Variants in SRGAP2B observed in about 807,000 individuals in gnomAD.
SRGAP2B encodes SLIT-ROBO Rho GTPase activating protein 2B.
SRGAP2B carries 9 observed loss-of-function variants against 22.2 expected under a neutral mutation model. The ratio of observed to expected loss-of-function variants is 0.41; its 90% CI spans 0.24 to 0.71. The LOEUF (loss-of-function observed/expected upper bound fraction) is 0.71. Among genes scored for constraint, SRGAP2B ranks in the 30% least tolerant of loss-of-function variants. SRGAP2B has a pLI of 0.35. For synonymous variants in SRGAP2B, 36 were observed against 87.4 expected (o/e 0.41, Z 3.28); for missense variants, 114 against 235.8 (o/e 0.48, Z 3.38).
intron 3 of SRGAP2B, among the ~76,000 whole-genome samples, chr1:144,966,036 C>T (rs1252086534): frequency 6.9e-5 from 10 of 144,048 alleles, no homozygotes; most frequent in Non-Finnish European, 4.6e-5. Context: ...GAAAGTGAGG[C>T]GGAGAATGGA....
intron 3 of SRGAP2B, 132 bp downstream of exon 3, chr1:144,994,876 C>G: frequency 1.7e-6 from 1 of 589,942 alleles, no homozygotes; most frequent in Non-Finnish European, 2.8e-6. Context: ...ATGAGAAGTC[C>G]TTGAGGGCTT....
At chr1:145,090,127 T>C (rs1239292404) in intron 2 of SRGAP2B, among the ~76,000 whole-genome samples, 1 of 147,108 alleles carries the variant, frequency 6.8e-6, no homozygotes, top group Non-Finnish European at 1.5e-5. Context: ...GGCAGCACCA[T>C]GAGTCCCATA....
chr1:145,020,528 C>T (rs1449015732), intron 2 of SRGAP2B, among the ~76,000 whole-genome samples: 2 of 145,034 alleles, frequency 1.4e-5, no homozygotes, highest in Non-Finnish European at 3.0e-5. Context: ...ATGCTCCTTA[C>T]TGTACTTATT....
intron 3 of SRGAP2B, among the ~76,000 whole-genome samples, chr1:144,961,893 AAAG>A (rs1297740019): frequency 8.3e-5 from 11 of 133,074 alleles, no homozygotes; most frequent in African/African-American, 2.7e-4. Context: ...GAAGGTGTTA[AAAG>A]AAGGAGGGGG....
chr1:144,924,724 T>G (rs1226817941), intron 4 of SRGAP2B, among the ~76,000 whole-genome samples: 1 of 112,718 alleles, frequency 8.9e-6, no homozygotes, highest in Admixed American at 9.7e-5. Context: ...AGAGCGAAAC[T>G]CCGTCTCAAA....
rs1374853161 is a variant in SRGAP2B, at chr1:145,009,038, G to A, written c.68-13838C>T. ...AAAAATACAAAAAAAGTAGCTGGGC[G>A]TGGTGGCGGGCGCCTGTAGTCCCAG... On this transcript the variant is annotated intron_variant, in intron 2 of 9. Coordinates refer to ENST00000612199, the Ensembl canonical transcript of SRGAP2B. Among the ~76,000 whole-genome samples the A allele has an allele frequency of 1.0e-4, 15 of 147,832 alleles. 1 individual carries two copies. Among genetic ancestry groups the A allele is most frequent in the South Asian group, 6.3e-4 (3 of 4,730 alleles).
chr1:145,023,096 G>A (rs1386204871), intron 2 of SRGAP2B, among the ~76,000 whole-genome samples: 1 of 148,998 alleles, frequency 6.7e-6, no homozygotes, highest in Admixed American at 6.7e-5. Flanking sequence ...ACCCGGGAGA[G>A]GCGGAGGTTG....
chr1:144,994,980 C>G, intron 3 of SRGAP2B, 28 bp downstream of exon 3: 1 of 1,435,924 alleles, frequency 7.0e-7, no homozygotes, highest in East Asian at 2.5e-5. Context: ...TCCAAGGTCT[C>G]AGAGAGTAAT....
At chr1:144,931,371 A>T (rs1407465434) in intron 4 of SRGAP2B, among the ~76,000 whole-genome samples, 1 of 150,214 alleles carries the variant, frequency 6.7e-6, no homozygotes, top group East Asian at 1.9e-4. Flanking sequence ...TATTCTCCTA[A>T]TCTTATACAA....
intron 4 of SRGAP2B, among the ~76,000 whole-genome samples, chr1:144,943,092 C>G (rs1487072638): frequency 7.7e-6 from 1 of 130,172 alleles, no homozygotes; most frequent in Non-Finnish European, 1.6e-5. Context: ...TTCCAATTTA[C>G]AGGAAATATG....
At chr1:144,958,166 C>T (rs1553610695) in intron 3 of SRGAP2B, among the ~76,000 whole-genome samples, 2 of 151,284 alleles carry the variant, frequency 1.3e-5, no homozygotes, top group African/African-American at 4.9e-5. Flanking sequence ...GGCCAGCTAG[C>T]TCAGAAAGGT....
At chr1:144,969,862 A>C (rs1487791094) in intron 3 of SRGAP2B, among the ~76,000 whole-genome samples, 2 of 150,912 alleles carry the variant, frequency 1.3e-5, no homozygotes, top group African/African-American at 4.9e-5. Context: ...TCTCAAAAGA[A>C]GACATTTATG....
rs1651816346 is a variant in SRGAP2B, at chr1:145,068,916, TGTG to T, written c.67+23916_67+23918del. 7.6e-5 allele frequency among the ~76,000 whole-genome samples: 11 copies of T among 144,156 alleles called. 2 individuals are homozygous for T. The South Asian group carries it at 2.4e-3, about 32-fold the overall frequency. 94.6% of individuals were successfully genotyped at this position (144,156 alleles called of 152,430 possible). A position where few individuals can be genotyped will look rare whatever the true frequency, so the allele number is the denominator to read the frequency against. On this transcript the variant is annotated intron_variant, in intron 2 of 9. Coordinates refer to ENST00000612199, the Ensembl canonical transcript of SRGAP2B. Reference sequence around the variant, plus strand: ...AAATGTGTGTGTGTGTGTGTGTGTGTGTGTGTGTGTGTGTGTGTGTGTGTGTGT... The same window carrying T: ...AAATGTGTGTGTGTGTGTGTGTGTGTTGTGTGTGTGTGTGTGTGTGTGTGT...
intron 2 of SRGAP2B, among the ~76,000 whole-genome samples, chr1:145,005,978 G>C (rs1223716297): frequency 2.7e-5 from 4 of 150,838 alleles, no homozygotes; most frequent in African/African-American, 9.9e-5. Context: ...CACCCCAGAT[G>C]AACACAACTA....
intron 3 of SRGAP2B, among the ~76,000 whole-genome samples, chr1:144,964,419 G>A: frequency 6.7e-6 from 1 of 149,510 alleles, no homozygotes; most frequent in East Asian, 1.9e-4. Flanking sequence ...CTCACTCTCT[G>A]GGTGGCTACT....
At chr1:144,923,332 G>T (rs1553347687) in intron 4 of SRGAP2B, among the ~76,000 whole-genome samples, 3 of 150,546 alleles carry the variant, frequency 2.0e-5, no homozygotes, top group Admixed American at 6.6e-5. Context: ...TAATGATTTG[G>T]CTGGGGGCGT....
chr1:144,929,408 A>G (rs1553345484), intron 4 of SRGAP2B, among the ~76,000 whole-genome samples: 1 of 150,326 alleles, frequency 6.7e-6, no homozygotes, highest in Non-Finnish European at 1.5e-5. Context: ...ACTTACACCT[A>G]TATTTTCTTC....
intron 4 of SRGAP2B, among the ~76,000 whole-genome samples, chr1:144,932,147 AAAC>A (rs1665234629): frequency 1.3e-5 from 2 of 148,252 alleles, no homozygotes; most frequent in African/African-American, 5.1e-5. Context: ...CGCAAAAAGA[AAAC>A]AACAACAGGC....
chr1:144,928,888 C>T (rs1244593027), intron 4 of SRGAP2B, among the ~76,000 whole-genome samples: 2 of 149,696 alleles, frequency 1.3e-5, no homozygotes, highest in Admixed American at 6.6e-5. Context: ...TTTCAGTTTT[C>T]CATAGCATCT....
Sources: gnomAD v4.1 joint callset for allele counts (sites outside exome capture counted in the v4.1 genomes callset) on GRCh38, gnomAD v4.1.1 for gene constraint, MANE v1.5 for transcripts, NCBI Gene and HGNC (gene_info 2026-07-23, HGNC 2026-07-21) for gene names.